FHIT: variants seen among roughly 807,000 people sequenced by gnomAD.
FHIT encodes the protein bis(5'-adenosyl)-triphosphatase.
In FHIT, 19 loss-of-function variants were observed where a neutral mutation model predicts 17.9. That is an observed-to-expected ratio of 1.06 (90% CI 0.74 to 1.56). FHIT has a LOEUF of 1.56. FHIT is among the 40% of genes most tolerant of loss of function. FHIT has a pLI of 0.00. For missense variants in FHIT, 248 were observed against 189.2 expected (o/e 1.31, Z -1.82); for synonymous variants, 81 against 69.7 (o/e 1.16, Z -0.81).
intron 5 of FHIT, among the ~76,000 whole-genome samples, chr3:60,257,569 A>G (rs1391645248): frequency 6.6e-6 from 1 of 152,126 alleles, no homozygotes; most frequent in Non-Finnish European, 1.5e-5. Flanking sequence ...CAAACATTTC[A>G]CAGTAGTAAC....
chr3:59,819,045 T>C (rs1235427041), intron 8 of FHIT, among the ~76,000 whole-genome samples: 3 of 152,252 alleles, frequency 2.0e-5, no homozygotes, highest in Non-Finnish European at 2.9e-5. Context: ...ATATTGTCTC[T>C]GTTGACTTGA....
At chr3:60,579,216 T>C (rs1160579764) in intron 4 of FHIT, among the ~76,000 whole-genome samples, 1 of 152,176 alleles carries the variant, frequency 6.6e-6, no homozygotes, top group African/African-American at 2.4e-5. Flanking sequence ...TATAGCCCAC[T>C]ATACACATAG....
intron 4 of FHIT, among the ~76,000 whole-genome samples, chr3:60,609,542 G>C (rs922877429): frequency 6.6e-6 from 1 of 152,108 alleles, no homozygotes; most frequent in African/African-American, 2.4e-5. Context: ...GGTTAGACTG[G>C]TCTTGAACTC....
chr3:60,267,794 T>G (rs922060100), intron 5 of FHIT, among the ~76,000 whole-genome samples: 48 of 152,330 alleles, frequency 3.2e-4, no homozygotes, highest in African/African-American at 1.2e-3. Flanking sequence ...TTTTCTAGAT[T>G]GCTGATCACC....
chr3:60,445,051 G>C (rs1232786085), intron 5 of FHIT, among the ~76,000 whole-genome samples: 1 of 152,064 alleles, frequency 6.6e-6, no homozygotes, highest in Non-Finnish European at 1.5e-5. Context: ...CACAGATGTG[G>C]CTTAGTTACC....
chr3:60,588,021 C>G (rs938412512), intron 4 of FHIT, among the ~76,000 whole-genome samples: 15 of 151,870 alleles, frequency 9.9e-5, no homozygotes, highest in African/African-American at 3.4e-4. Context: ...CATTTAAAAG[C>G]AGTTGTGATT....
intron 3 of FHIT, among the ~76,000 whole-genome samples, chr3:60,953,956 G>T (rs1480979486): frequency 3.3e-5 from 5 of 152,112 alleles, no homozygotes; most frequent in African/African-American, 9.7e-5. Context: ...AACCACGAAG[G>T]ATAAACAACT....
chr3:60,430,598 TTCTC>T (rs1024307733), intron 5 of FHIT, among the ~76,000 whole-genome samples: 4 of 152,098 alleles, frequency 2.6e-5, no homozygotes, highest in African/African-American at 9.6e-5. Context: ...TCTTATATCA[TTCTC>T]TCTCTAAGGC....
intron 8 of FHIT, among the ~76,000 whole-genome samples, chr3:59,784,467 T>C (rs1225814230): frequency 6.6e-6 from 1 of 152,238 alleles, no homozygotes; most frequent in Non-Finnish European, 1.5e-5. Context: ...TAGAAAGCCA[T>C]ACATTGCCTT....
intron 5 of FHIT, among the ~76,000 whole-genome samples, chr3:60,269,784 T>C (rs565710112): frequency 6.6e-6 from 1 of 152,304 alleles, no homozygotes; most frequent in Admixed American, 6.5e-5. Context: ...AATAAGAGTT[T>C]AAGAAAGGAA....
chr3:59,928,545 A>T (rs1347296934), intron 7 of FHIT, among the ~76,000 whole-genome samples: 3 of 152,274 alleles, frequency 2.0e-5, no homozygotes, highest in Non-Finnish European at 2.9e-5. Context: ...CAACTAAGTA[A>T]TAAAAAGACA....
chr3:60,103,224 C>T (rs1374758198), intron 5 of FHIT, among the ~76,000 whole-genome samples: 1 of 152,176 alleles, frequency 6.6e-6, no homozygotes, highest in African/African-American at 2.4e-5. Flanking sequence ...TTGATAAACA[C>T]ATTGTATATT....
chr3:60,181,042 T>C (rs1701908030), intron 5 of FHIT, among the ~76,000 whole-genome samples: 2 of 152,258 alleles, frequency 1.3e-5, no homozygotes, highest in East Asian at 1.9e-4. Flanking sequence ...GCCACATTGA[T>C]GGTACCATTT....
At position 60,742,490 on chromosome 3, in the gene FHIT, T is replaced by C. The variant is rs79453605; in HGVS notation, c.-18+79429A>G. On this transcript the variant is annotated intron_variant, in intron 4 of 9. Coordinates refer to ENST00000492590, the MANE Select transcript of FHIT (RefSeq NM_002012.4). ...CAATAGCTGAGACCATTAACAAATA[T>C]AAGCCCATCAAATGGTAGCTACCCC... Among the ~76,000 whole-genome samples, 1,370 of 152,346 alleles carry C rather than the reference T, an allele frequency of 9.0e-3. 11 individuals carry two copies. Among genetic ancestry groups the C allele is most frequent in the Middle Eastern group, 0.014 (4 of 294 alleles).
intron 7 of FHIT, among the ~76,000 whole-genome samples, chr3:59,966,619 T>C (rs1707938219): frequency 6.6e-6 from 1 of 152,180 alleles, no homozygotes; most frequent in South Asian, 2.1e-4. Context: ...AACATAATGA[T>C]AAGTATTCAT....
intron 5 of FHIT, among the ~76,000 whole-genome samples, chr3:60,521,443 T>C (rs1299324002): frequency 6.6e-6 from 1 of 152,072 alleles, no homozygotes; most frequent in Admixed American, 6.5e-5. Context: ...GAGACGGGGT[T>C]TCACCGTGTT....
At chr3:60,393,410 TATATA>T (rs1200217080) in intron 5 of FHIT, among the ~76,000 whole-genome samples, 49 of 149,506 alleles carry the variant, frequency 3.3e-4, no homozygotes, top group African/African-American at 6.8e-4. Flanking sequence ...TAATGTTACA[TATATA>T]ATATATAATT....
chr3:59,775,537 A>T (rs949945132), intron 8 of FHIT, among the ~76,000 whole-genome samples: 1 of 148,786 alleles, frequency 6.7e-6, no homozygotes, highest in Admixed American at 6.8e-5. Flanking sequence ...AATGCAAATC[A>T]TCTCCCACTC....
chr3:60,329,113 A>T (rs1329877083), intron 5 of FHIT, among the ~76,000 whole-genome samples: 1 of 152,240 alleles, frequency 6.6e-6, no homozygotes, highest in Admixed American at 6.5e-5. Flanking sequence ...GATGAGAACC[A>T]TGACAAATAG....
Sources: allele counts gnomAD v4.1 joint callset (sites outside exome capture counted in the v4.1 genomes callset), GRCh38; gene constraint gnomAD v4.1.1; transcripts MANE v1.5; gene names NCBI Gene and HGNC (gene_info 2026-07-23, HGNC 2026-07-21).